Variants in CSMD3 observed in about 807,000 individuals in gnomAD.
CSMD3 encodes CUB and sushi domain-containing protein 3.
A neutral mutation model predicts 435.2 loss-of-function variants in CSMD3; 177 were observed. The observed-to-expected ratio is 0.41, with a 90% CI of 0.36 to 0.46. CSMD3 has a LOEUF of 0.46. Ranked by LOEUF, CSMD3 falls within the 20% of genes least tolerant of loss-of-function variation. CSMD3 has a pLI of 0.34. For synonymous variants in CSMD3, 1,656 were observed against 1,520.5 expected, an observed-to-expected ratio of 1.09 and a Z score of -2.07; for missense variants, 4,265 against 4,504.6, an observed-to-expected ratio of 0.95 and a Z score of 1.52.
intron 3 of CSMD3, among the ~76,000 whole-genome samples, chr8:113,265,861 T>C (rs2093466180): frequency 1.3e-5 from 2 of 151,526 alleles, no homozygotes; most frequent in South Asian, 4.1e-4. Context: ...AGATTCGAAT[T>C]TGACCAAAAG....
intron 12 of CSMD3, among the ~76,000 whole-genome samples, chr8:112,816,472 T>C (rs1005081471): frequency 3.3e-5 from 5 of 152,150 alleles, no homozygotes; most frequent in Non-Finnish European, 7.4e-5. Flanking sequence ...CTAAAAAATA[T>C]CACCTTTCGC....
intron 3 of CSMD3, among the ~76,000 whole-genome samples, chr8:113,212,065 A>T (rs1156269076): frequency 6.6e-6 from 1 of 152,206 alleles, no homozygotes; most frequent in African/African-American, 2.4e-5. Flanking sequence ...CTAGGCATTT[A>T]TACCTTTGTA....
chr8:113,050,022 C>T (rs1041673033), intron 5 of CSMD3, among the ~76,000 whole-genome samples: 1 of 152,006 alleles, frequency 6.6e-6, no homozygotes, highest in African/African-American at 2.4e-5. Context: ...CAAGTAGGTA[C>T]AATCAGTTCT....
intron 1 of CSMD3, among the ~76,000 whole-genome samples, chr8:113,319,246 T>G (rs1444660144): frequency 6.6e-6 from 1 of 152,070 alleles, no homozygotes; most frequent in East Asian, 1.9e-4. Context: ...TTGATAATAA[T>G]CATACTTACG....
intron 11 of CSMD3, among the ~76,000 whole-genome samples, chr8:112,839,641 T>C (rs956861727): frequency 2.0e-5 from 3 of 151,680 alleles, no homozygotes; most frequent in Non-Finnish European, 4.4e-5. Context: ...CTAATTCAAA[T>C]AAATTTGTTA....
intron 38 of CSMD3, among the ~76,000 whole-genome samples, chr8:112,361,322 C>CA (rs1317261352): frequency 6.6e-6 from 1 of 151,514 alleles, no homozygotes; most frequent in Non-Finnish European, 1.5e-5. Flanking sequence ...CCAATCCATA[C>CA]AAAAAATTGC....
intron 10 of CSMD3, among the ~76,000 whole-genome samples, chr8:112,904,363 T>A (rs2082195615): frequency 6.6e-6 from 1 of 151,486 alleles, no homozygotes; most frequent in Non-Finnish European, 1.5e-5. Flanking sequence ...ATACTTACTT[T>A]AAAACATCAT....
chr8:112,779,032 C>G (rs1443820664), intron 13 of CSMD3, among the ~76,000 whole-genome samples: 1 of 151,560 alleles, frequency 6.6e-6, no homozygotes, highest in Non-Finnish European at 1.5e-5. Context: ...TGGTCATTTT[C>G]TTATTGTTGA....
intron 3 of CSMD3, among the ~76,000 whole-genome samples, chr8:113,273,341 G>A (rs932730391): frequency 6.6e-6 from 1 of 151,494 alleles, no homozygotes; most frequent in Non-Finnish European, 1.5e-5. Flanking sequence ...GTACTATAGG[G>A]TCCCCTTGTT....
At chr8:113,029,795 G>C (rs2087015221) in intron 5 of CSMD3, among the ~76,000 whole-genome samples, 1 of 151,404 alleles carries the variant, frequency 6.6e-6, no homozygotes, top group Non-Finnish European at 1.5e-5. Context: ...ACAAGAGAAA[G>C]AAATAAAGGG....
intron 1 of CSMD3, chr8:113,376,589 T>G: frequency 1.3e-6 from 1 of 752,822 alleles, no homozygotes; most frequent in Non-Finnish European, 2.2e-6. Flanking sequence ...AAAAAATTGA[T>G]ATCCAATTTT....
chr8:113,175,571 T>C lies in CSMD3; in HGVS notation c.515-1655A>G, dbSNP rs149834733. On this transcript the variant is annotated intron_variant, in intron 3 of 70. Coordinates refer to ENST00000297405, the MANE Select transcript of CSMD3 (RefSeq NM_198123.2). The stretch of plus-strand genomic sequence containing the variant: ...AATTTTCAGTAAAACAATACAACTT[T>C]ATTGTCTGTGAATTTTGAGCAACTT... Among the ~76,000 whole-genome samples the C allele has an allele frequency of 4.6e-3, 699 of 152,126 alleles. 5 individuals are homozygous for C. Among genetic ancestry groups the C allele is most frequent in the African/African-American group, 0.015 (612 of 41,584 alleles).
At position 112,466,079 on chromosome 8, in the gene CSMD3, ATG is replaced by A. The variant is rs558256859; in HGVS notation, c.5395+6510_5395+6511del. ...TTGAATAAACACACATATTGTGAAT[ATG>A]TGTCATTGTTAGATAAATTCAGTAT... On this transcript the variant is annotated intron_variant, in intron 32 of 70. Coordinates refer to ENST00000297405, the MANE Select transcript of CSMD3 (RefSeq NM_198123.2). Among the ~76,000 whole-genome samples the A allele has an allele frequency of 7.2e-4, 110 of 152,344 alleles. 1 individual carries two copies. The highest frequency in any genetic ancestry group is 2.5e-3 in the African/African-American group (105 of 41,586).
In CSMD3 at chr8:112,244,520, C is replaced by T. The variant is rs745869509; in HGVS notation, c.10276G>A (p.Asp3426Asn). ...AGTGTATACCCATGAGATGGAAGGT[C>T]CATCCCTACGACATTTGCATGAGCA... is the stretch of plus-strand genomic sequence containing the variant. ...TPAHANVVGM[D>N]LPSHGYTLIY... is the part of the protein sequence containing the mutation. The change falls in exon 65 of 71, where the codon GAC becomes AAC. Residue 3426 changes from aspartate (D) to asparagine (N), a missense_variant. Physicochemically the swap from Asp to Asn is conservative, Grantham distance 23. This residue lies in a region of CSMD3 where 3,255 missense variants were observed against 3,380.2 expected (regional missense o/e 0.96). Transcript: ENST00000297405. The T allele has an allele frequency of 2.2e-5, 36 of 1,613,728 alleles. No individual in the cohort carries two copies. The Admixed American group carries it at 5.5e-4, about 25-fold the overall frequency.
At chr8:113,092,525 T>G (rs907713429) in intron 5 of CSMD3, among the ~76,000 whole-genome samples, 1 of 152,030 alleles carries the variant, frequency 6.6e-6, no homozygotes, top group African/African-American at 2.4e-5. Context: ...CAAATAGCCA[T>G]GTAATTAGAT....
At chr8:112,947,067 G>A (rs1298537952) in intron 9 of CSMD3, among the ~76,000 whole-genome samples, 1 of 151,488 alleles carries the variant, frequency 6.6e-6, no homozygotes, top group Non-Finnish European at 1.5e-5. Flanking sequence ...ATTTACCATG[G>A]ACACTGTAAA....
chr8:113,334,996 C>A (rs915615926), intron 1 of CSMD3, among the ~76,000 whole-genome samples: 4 of 151,970 alleles, frequency 2.6e-5, no homozygotes, highest in Non-Finnish European at 4.4e-5. Context: ...GGAGGTGGGG[C>A]CTGATGGGAG....
intron 32 of CSMD3, 25 bp downstream of exon 32, chr8:112,472,566 A>G (rs1818631096): frequency 8.4e-7 from 1 of 1,186,870 alleles, no homozygotes; most frequent in Non-Finnish European, 1.3e-6. Context: ...ATGAAATACT[A>G]CATAATGAGT....
intron 3 of CSMD3, among the ~76,000 whole-genome samples, chr8:113,180,437 A>C (rs947322654): frequency 6.6e-6 from 1 of 151,980 alleles, no homozygotes; most frequent in Admixed American, 6.6e-5. Context: ...TAACGTCCTC[A>C]TGGTCTTTTC....
Sources: gnomAD v4.1 joint callset for allele counts (sites outside exome capture counted in the v4.1 genomes callset) on GRCh38, gnomAD v4.1.1 for gene constraint, gnomAD v4.1.1 regional missense constraint, MANE v1.5 for transcripts, NCBI Gene and HGNC (gene_info 2026-07-23, HGNC 2026-07-21) for gene names.